BEST3: variants seen among roughly 807,000 people sequenced by gnomAD.
BEST3 encodes the protein bestrophin 3, also known as bestrophin-3.
Under a neutral mutation model 47.1 loss-of-function variants are expected in BEST3, and 50 were observed. The observed-to-expected ratio is 1.06, with a 90% CI of 0.85 to 1.34. BEST3 has a LOEUF of 1.34. Among genes scored for constraint, BEST3 ranks in the 40% most tolerant of loss-of-function variants. BEST3 has a pLI of 0.00. For synonymous variants in BEST3, 282 were observed against 298.8 expected (o/e 0.94, Z 0.58); for missense variants, 765 against 817.0 (o/e 0.94, Z 0.78).
intron 9 of BEST3, among the ~76,000 whole-genome samples, chr12:69,656,828 G>T (rs181788776): frequency 6.6e-6 from 1 of 152,162 alleles, no homozygotes; most frequent in Non-Finnish European, 1.5e-5. Flanking sequence ...ATGAGCTAGA[G>T]CCCAGGGTGG....
At chr12:69,681,276 A>G (rs375628792) in intron 4 of BEST3, among the ~76,000 whole-genome samples, 1 of 152,056 alleles carries the variant, frequency 6.6e-6, no homozygotes, top group East Asian at 1.9e-4. Flanking sequence ...ACATTTTTCT[A>G]TCTTTAACCA....
Position 69,658,396 on chromosome 12 carries a change from A to G in BEST3, c.1101-2583T>C, listed in dbSNP as rs1265463630. 3.3e-5 allele frequency among the ~76,000 whole-genome samples: 5 copies of G among 152,178 alleles called. No individual in the cohort carries two copies. In the East Asian group the frequency reaches 7.7e-4, roughly 23 times the overall value. On this transcript the variant is annotated intron_variant, in intron 9 of 9. Transcript: ENST00000330891. ...GATGGGGGAAAATAGACAAGTTGCA[A>G]CAAGCAAACTGCAAAACGTCTGGTG...
intron 9 of BEST3, chr12:69,660,882 A>G (rs1368009557): frequency 6.6e-6 from 1 of 152,234 alleles, no homozygotes; most frequent in African/African-American, 2.4e-5. Context: ...TGTTAATAAA[A>G]AACCCAAATT....
At position 69,670,650 on chromosome 12, in the gene BEST3, G is replaced by T. The variant is rs76094354; in HGVS notation, c.1100+778C>A. On this transcript the variant is annotated intron_variant, in intron 9 of 9. Coordinates refer to ENST00000330891, the MANE Select transcript of BEST3 (RefSeq NM_032735.3). ...GAAGGGTCATAGGCAGCAACCACAG[G>T]ACACAAACCCACTGCACAAATCCGC... 1.4e-3 allele frequency: 949 copies of T among 678,732 alleles called. 4 individuals carry two copies. In the African/African-American group the frequency reaches 0.014, roughly 10 times the overall value. 42.0% of individuals were successfully genotyped at this position (678,732 alleles called of 1,614,324 possible).
At chr12:69,648,290 G>A (rs113084892) in intron 9 of BEST3, among the ~76,000 whole-genome samples, 1,743 of 152,262 alleles carry the variant, frequency 0.011, 16 homozygotes, top group Non-Finnish European at 0.02. Context: ...AGACATCCTG[G>A]AGTATGCAGC....
In BEST3 at chr12:69,677,087, AGAGT is replaced by A; in HGVS notation, c.715-23_715-20del. On this transcript the variant is annotated intron_variant, in intron 6 of 9. Transcript: ENST00000330891. ...TGACAACCTGGAACAGAGAGAGACC[AGAGT>A]GAGGGGACAGTGCTGGCCTCCCGCA... The A allele has an allele frequency of 6.2e-7, 1 of 1,614,204 alleles. No homozygotes were observed. The highest frequency in any genetic ancestry group is 8.5e-7 in the Non-Finnish European group (1 of 1,180,010).
chr12:69,693,879 T>G lies in BEST3; in HGVS notation c.276A>C (p.Arg92=). 1 of 1,611,994 alleles carries G rather than the reference T, an allele frequency of 6.2e-7. No individual in the cohort carries two copies. Among genetic ancestry groups the G allele is most frequent in the Non-Finnish European group, 8.5e-7 (1 of 1,178,888 alleles). Residue 92 remains arginine, a synonymous_variant, in exon 4 of 10, where the codon CGA becomes CGC. Coordinates refer to ENST00000330891, the MANE Select transcript of BEST3 (RefSeq NM_032735.3). ...GCAAATTCACAAACTGGTTCCACCA[T>G]CGGTTCACTACCAGAGTAACATAAA... The part of the protein sequence containing the change: ...LGFYVTLVVN[R]WWNQFVNLPW...
rs1287530649 is a variant in BEST3, at chr12:69,653,878, T to C, written c.*1029A>G. On this transcript the variant is annotated 3_prime_UTR_variant, in exon 10 of 10. Transcript: ENST00000330891. Reference sequence around the variant, plus strand: ...GTCCCGTGTTGCGACACGATTAGGATTTTTGCATAAGAGTTCAAGTTAAAC... The same window carrying C: ...GTCCCGTGTTGCGACACGATTAGGACTTTTGCATAAGAGTTCAAGTTAAAC... 31 of 985,336 alleles carry C rather than the reference T, an allele frequency of 3.1e-5. No homozygotes were observed. Among genetic ancestry groups the C allele is most frequent in the Non-Finnish European group, 3.7e-5 (31 of 829,946 alleles). 61.0% of individuals were successfully genotyped at this position (985,336 alleles called of 1,614,324 possible). A position where few individuals can be genotyped will look rare whatever the true frequency, so the allele number is the denominator to read the frequency against.
In BEST3 at chr12:69,654,815, C is replaced by A; in HGVS notation, c.*92G>T. Reference sequence around the variant, plus strand: ...AGTGTGATCATGTTTTTTAAAAAGTCGACCAGCCTTCAGGTATGTCCTGGG... The same window carrying A: ...AGTGTGATCATGTTTTTTAAAAAGTAGACCAGCCTTCAGGTATGTCCTGGG... On this transcript the variant is annotated 3_prime_UTR_variant, in exon 10 of 10. Transcript: ENST00000330891. The A allele has an allele frequency of 1.3e-6, 2 of 1,494,006 alleles. No individual in the cohort carries two copies. Among genetic ancestry groups the A allele is most frequent in the South Asian group, 1.4e-5 (1 of 70,100 alleles). The allele number at this position is 1,494,006 out of a possible 1,614,324, so 92.5% of individuals were successfully genotyped here. A position where few individuals can be genotyped will look rare whatever the true frequency, so the allele number is the denominator to read the frequency against.
intron 9 of BEST3, among the ~76,000 whole-genome samples, chr12:69,665,833 T>C (rs2135943744): frequency 1.3e-5 from 2 of 152,022 alleles, no homozygotes; most frequent in South Asian, 4.2e-4. Context: ...GCGTTTTGGG[T>C]TTGTTTTATT....
intron 9 of BEST3, among the ~76,000 whole-genome samples, chr12:69,658,202 C>T (rs1883634459): frequency 6.6e-6 from 1 of 152,174 alleles, no homozygotes; most frequent in Non-Finnish European, 1.5e-5. Context: ...TTTTTTTAAA[C>T]TACCTCTAAA....
chr12:69,656,385 A>G (rs73150483), intron 9 of BEST3, among the ~76,000 whole-genome samples: 331 of 37,258 alleles, frequency 8.9e-3, no homozygotes, highest in Non-Finnish European at 0.017. Context: ...CTGTCTGTCT[A>G]TCTATCTATC....
Position 69,670,689 on chromosome 12 carries a change from C to T in BEST3, c.1100+739G>A. On this transcript the variant is annotated intron_variant, in intron 9 of 9. Transcript: ENST00000330891. ...GCACAAATCCGCTTACAGCAGGCCTCAGGGAACTATGAGCCACAGTCTTGC... is the reference window on the plus strand; with the variant it reads ...GCACAAATCCGCTTACAGCAGGCCTTAGGGAACTATGAGCCACAGTCTTGC... 3 of 544,080 alleles carry T rather than the reference C, an allele frequency of 5.5e-6. No individual in the cohort carries two copies. In the South Asian group the frequency reaches 9.4e-5, roughly 17 times the overall value. The allele number at this position is 544,080 out of a possible 1,614,324, so 33.7% of individuals were successfully genotyped here. A position where few individuals can be genotyped will look rare whatever the true frequency, so the allele number is the denominator to read the frequency against.
intron 4 of BEST3, among the ~76,000 whole-genome samples, chr12:69,688,206 G>A (rs1885745565): frequency 6.6e-6 from 1 of 152,158 alleles, no homozygotes; most frequent in African/African-American, 2.4e-5. Flanking sequence ...ACTTGACTCA[G>A]CCAGGATCTG....
At chr12:69,675,123 T>G (rs975875251) in intron 7 of BEST3, among the ~76,000 whole-genome samples, 13 of 151,836 alleles carry the variant, frequency 8.6e-5, no homozygotes, top group Admixed American at 2.0e-4. Flanking sequence ...CTTTTAAGAT[T>G]TATTTTTTTT....
intron 4 of BEST3, chr12:69,689,268 C>T (rs1019984168): frequency 8.1e-6 from 8 of 985,654 alleles, no homozygotes; most frequent in Admixed American, 6.1e-5. Flanking sequence ...TCTGAGTCAG[C>T]CCTCTCTGCT....
Position 69,688,587 on chromosome 12 carries a change from G to A in BEST3, c.481+5087C>T, listed in dbSNP as rs565037100. Among the ~76,000 whole-genome samples, 8 of 152,294 alleles carry A rather than the reference G, an allele frequency of 5.3e-5. No individual in the cohort carries two copies. In the South Asian group the frequency reaches 1.0e-3, roughly 20 times the overall value. On this transcript the variant is annotated intron_variant, in intron 4 of 9. Transcript: ENST00000330891. ...AACTTAAAAGCAAGAGAAGTTCAAGGATGAGCAGGTATGTGACCTAGTTCA... is the reference window on the plus strand; with the variant it reads ...AACTTAAAAGCAAGAGAAGTTCAAGAATGAGCAGGTATGTGACCTAGTTCA...
chr12:69,643,609 T>A, exon 10 of BEST3: 2 of 572,450 alleles, frequency 3.5e-6, no homozygotes, highest in South Asian at 2.4e-5. Flanking sequence ...AAGTGGAGAA[T>A]GTTTTTCAGT....
At chr12:69,686,230 C>T (rs1475573570) in intron 4 of BEST3, among the ~76,000 whole-genome samples, 1 of 148,834 alleles carries the variant, frequency 6.7e-6, no homozygotes, top group Non-Finnish European at 1.5e-5. Flanking sequence ...AAATGTTATA[C>T]CAGATTCAAT....
Sources: gnomAD v4.1 joint callset for allele counts (sites outside exome capture counted in the v4.1 genomes callset) on GRCh38, gnomAD v4.1.1 for gene constraint, MANE v1.5 for transcripts, NCBI Gene and HGNC (gene_info 2026-07-23, HGNC 2026-07-21) for gene names.